Variants in CPNE3 observed in about 807,000 individuals in gnomAD.
CPNE3 encodes copine 3.
Under a neutral mutation model 63.9 loss-of-function variants are expected in CPNE3, and 68 were observed. That is an observed-to-expected ratio of 1.06 (90% CI 0.87 to 1.30). CPNE3 has a LOEUF of 1.30. Ranked by LOEUF, CPNE3 falls within the 50% of genes most tolerant of loss-of-function variation. The pLI is 0.00. For missense variants in CPNE3, 665 were observed against 578.1 expected (o/e 1.15, Z -1.54); for synonymous variants, 219 against 197.5 (o/e 1.11, Z -0.91).
chr8:86,544,740 G>T lies in CPNE3; in HGVS notation c.634G>T (p.Val212Leu). 2 of 1,394,932 alleles carry T rather than the reference G, an allele frequency of 1.4e-6. No homozygotes were observed. Among genetic ancestry groups the T allele is most frequent in the Non-Finnish European group, 9.5e-7 (1 of 1,050,744 alleles). The allele number at this position is 1,394,932 out of a possible 1,614,324, so 86.4% of individuals were successfully genotyped here. ...CYGDMDKTIK[V>L]ECYDYDNDGS... is the part of the protein sequence containing the mutation. ...ATATTTTTATTATATTTAATTTCAG[G>T]TGGAGTGTTATGATTATGACAATGA... Residue 212 changes from valine (V) to leucine (L), a missense_variant and splice_region_variant, in exon 9 of 17, where the codon GTG becomes TTG. Val to Leu is a conservative substitution (Grantham distance 32, BLOSUM62 1). Transcript: ENST00000517490.
rs1473258339 is a variant in CPNE3 at position 86,548,317 on chromosome 8, C to T, written c.896C>T (p.Thr299Ile). 3 of 1,614,092 alleles carry T rather than the reference C, an allele frequency of 1.9e-6. No individual in the cohort carries two copies. Among genetic ancestry groups the T allele is most frequent in the African/African-American group, 1.3e-5 (1 of 75,054 alleles). ...ATTTGGCAGGTGGGAGTGGACTTCA[C>T]TGGCTCCAATGGTGACCCAAGGTCT... ...QLNFTVGVDF[T>I]GSNGDPRSPD... Residue 299 changes from threonine (T) to isoleucine (I), a missense_variant, in exon 12 of 17, where the codon ACT becomes ATT. By Grantham distance (89) the Thr-to-Ile change is moderately conservative. Coordinates refer to ENST00000517490, the MANE Select transcript of CPNE3 (RefSeq NM_003909.5).
chr8:86,540,777 T>C (rs1427712133), intron 8 of CPNE3, among the ~76,000 whole-genome samples: 1 of 152,216 alleles, frequency 6.6e-6, no homozygotes, highest in African/African-American at 2.4e-5. Flanking sequence ...GGCATTTTTC[T>C]TCCTTATTTT....
intron 14 of CPNE3, among the ~76,000 whole-genome samples, chr8:86,554,462 T>C (rs1821266122): frequency 6.6e-6 from 1 of 152,254 alleles, no homozygotes; most frequent in African/African-American, 2.4e-5. Context: ...TGCAAATGAT[T>C]TTTCATTTTA....
intron 6 of CPNE3, 36 bp downstream of exon 6, chr8:86,532,616 TG>T (rs1183148216): frequency 1.3e-6 from 2 of 1,549,896 alleles, no homozygotes; most frequent in Non-Finnish European, 1.8e-6. Flanking sequence ...AAGGTTGTCA[TG>T]TTTTGCCTCT....
At position 86,521,332 on chromosome 8, in the gene CPNE3, G is replaced by C. The variant is rs543121973; in HGVS notation, c.-11+5833G>C. 7.9e-5 allele frequency among the ~76,000 whole-genome samples: 12 copies of C among 152,202 alleles called. 1 individual carries two copies. The South Asian group carries it at 2.5e-3, about 32-fold the overall frequency. ...AACCATTCCAGTTCTTCCATTCTTT[G>C]GCAAGCTTTTGTTATTCTGGTTACG... On this transcript the variant is annotated intron_variant, in intron 2 of 16. Coordinates refer to ENST00000517490, the MANE Select transcript of CPNE3 (RefSeq NM_003909.5).
chr8:86,554,891 T>C lies in CPNE3; in HGVS notation c.1161T>C (p.Pro387=). 2.5e-6 allele frequency: 4 copies of C among 1,614,192 alleles called. No individual in the cohort carries two copies. The highest frequency in any genetic ancestry group is 3.4e-6 in the Non-Finnish European group (4 of 1,180,022). The stretch of plus-strand genomic sequence containing the variant: ...TAGAGGCGTATCGGTCTTGTCTTCC[T>C]CAGATAAAACTCTATGGACCAACTA... ...GIVEAYRSCL[P]QIKLYGPTNF... is the part of the protein sequence containing the mutation. Residue 387 remains proline (P), a synonymous_variant, in exon 15 of 17, where the codon CCT becomes CCC. Transcript: ENST00000517490.
At position 86,546,677 on chromosome 8, in the gene CPNE3, G is replaced by A; in HGVS notation, c.815G>A (p.Cys272Tyr). ...TCAGGTGTTATCAGTGTGAAACAGT[G>A]TGAGGTCCGTTGGCCTTGGCTACTT... The part of the protein sequence containing the change: ...KNSGVISVKQ[C>Y]EITVECTFLD... Residue 272 changes from cysteine (C) to tyrosine (Y), a missense_variant, in exon 10 of 17, where the codon TGT becomes TAT. By Grantham distance (194) the Cys-to-Tyr change is radical. Transcript: ENST00000517490. The A allele has an allele frequency of 6.2e-7, 1 of 1,603,870 alleles. No homozygotes were observed. The highest frequency in any genetic ancestry group is 1.1e-5 in the South Asian group (1 of 87,644).
chr8:86,532,693 A>C, intron 6 of CPNE3, 113 bp downstream of exon 6: 6 of 878,446 alleles, frequency 6.8e-6, no homozygotes, highest in Non-Finnish European at 1.1e-5. Context: ...ATAGGGTACT[A>C]GTTACTTTCA....
chr8:86,558,461 C>T lies in CPNE3; in HGVS notation c.*51C>T, dbSNP rs998915041. ...TATGTGGAGCAATGCCATCTCTCAC[C>T]CCAAATCGTGTATCTGTCATTCTAC... On this transcript the variant is annotated 3_prime_UTR_variant, in exon 17 of 17. Transcript: ENST00000517490. 1 of 870,082 alleles carries T rather than the reference C, an allele frequency of 1.1e-6. No homozygotes were observed. 53.9% of individuals were successfully genotyped at this position (870,082 alleles called of 1,614,324 possible).
At position 86,542,017 on chromosome 8, in the gene CPNE3, C is replaced by A. The variant is rs557330366; in HGVS notation, c.633+1683C>A. 1.8e-3 allele frequency among the ~76,000 whole-genome samples: 276 copies of A among 152,156 alleles called. 4 individuals are homozygous for A. The highest frequency in any genetic ancestry group is 6.2e-3 in the African/African-American group (257 of 41,520). ...GTGTAATGATATGTTAACAACAAAA[C>A]AATATCTTTTAAACTTTTTTGCTCA... is the stretch of plus-strand genomic sequence containing the variant. On this transcript the variant is annotated intron_variant, in intron 8 of 16. Coordinates refer to ENST00000517490, the MANE Select transcript of CPNE3 (RefSeq NM_003909.5).
chr8:86,517,633 A>G (rs1415764213), intron 2 of CPNE3, among the ~76,000 whole-genome samples: 1 of 152,222 alleles, frequency 6.6e-6, no homozygotes, highest in Non-Finnish European at 1.5e-5. Flanking sequence ...TAAAATATGT[A>G]AAATTGCACC....
intron 16 of CPNE3, among the ~76,000 whole-genome samples, chr8:86,558,033 C>T (rs151317110): frequency 1.4e-3 from 212 of 152,076 alleles, no homozygotes; most frequent in African/African-American, 5.1e-3. Flanking sequence ...ACAACAACAA[C>T]AAAATCATCA....
intron 8 of CPNE3, among the ~76,000 whole-genome samples, chr8:86,541,119 T>C (rs1427727237): frequency 1.3e-5 from 2 of 152,110 alleles, no homozygotes; most frequent in African/African-American, 4.8e-5. Flanking sequence ...TTTCTGATAA[T>C]AAATATGGTA....
chr8:86,538,973 T>C (rs978080960), intron 7 of CPNE3, among the ~76,000 whole-genome samples: 1 of 152,220 alleles, frequency 6.6e-6, no homozygotes, highest in African/African-American at 2.4e-5. Context: ...TTAGCATCCA[T>C]TGGTGATCCT....
Position 86,554,855 on chromosome 8 carries a change from C to G in CPNE3, c.1125C>G (p.Ile375Met). ...FNPSNPYCNG[I>M]QGIVEAYRSC... ...TTATTTGTTTGTTTGTTCTAGGAATCCAAGGCATTGTAGAGGCGTATCGGT... is the reference window on the plus strand; with the variant it reads ...TTATTTGTTTGTTTGTTCTAGGAATGCAAGGCATTGTAGAGGCGTATCGGT... Residue 375 changes from isoleucine (I) to methionine (M), a missense_variant, in exon 15 of 17, where the codon ATC becomes ATG. Transcript: ENST00000517490. 6.2e-7 allele frequency: 1 copy of G among 1,613,004 alleles called. No individual in the cohort carries two copies. Among genetic ancestry groups the G allele is most frequent in the Non-Finnish European group, 8.5e-7 (1 of 1,179,460 alleles).
chr8:86,527,557 A>C (rs951656093), intron 2 of CPNE3, among the ~76,000 whole-genome samples: 5 of 152,102 alleles, frequency 3.3e-5, no homozygotes, highest in African/African-American at 4.8e-5. Flanking sequence ...AGGCTTGTCA[A>C]CCTTGTCTAC....
chr8:86,535,114 T>C (rs934052284), intron 6 of CPNE3, among the ~76,000 whole-genome samples: 1 of 152,170 alleles, frequency 6.6e-6, no homozygotes, highest in Non-Finnish European at 1.5e-5. Flanking sequence ...GAACTTCTTT[T>C]TGAAGTTCTT....
At chr8:86,542,103 C>G (rs1820954281) in intron 8 of CPNE3, among the ~76,000 whole-genome samples, 1 of 152,282 alleles carries the variant, frequency 6.6e-6, no homozygotes, top group South Asian at 2.1e-4. Flanking sequence ...TGAGCTTTCT[C>G]TAATGAATGT....
At chr8:86,549,888 T>C (rs1284933183) in intron 12 of CPNE3, among the ~76,000 whole-genome samples, 1 of 152,200 alleles carries the variant, frequency 6.6e-6, no homozygotes, top group East Asian at 1.9e-4. Context: ...TCTCCATCTC[T>C]AGATCCCAGC....
Sources: gnomAD v4.1 joint callset for allele counts (sites outside exome capture counted in the v4.1 genomes callset) on GRCh38, gnomAD v4.1.1 for gene constraint, MANE v1.5 for transcripts, NCBI Gene and HGNC (gene_info 2026-07-23, HGNC 2026-07-21) for gene names.